Variants in GPAM observed in about 807,000 individuals in gnomAD.
The protein encoded by GPAM is glycerol-3-phosphate acyltransferase, mitochondrial, also known as glycerol-3-phosphate acyltransferase 1, mitochondrial.
GPAM carries 56 observed loss-of-function variants against 105.0 expected under a neutral mutation model. That is an observed-to-expected ratio of 0.53 (90% CI 0.43 to 0.67). The LOEUF (loss-of-function observed/expected upper bound fraction) is 0.67. GPAM is among the 30% of genes least tolerant of loss of function. The pLI is 0.00. For missense variants in GPAM, 855 were observed against 989.8 expected, an observed-to-expected ratio of 0.86 and a Z score of 1.83; for synonymous variants, 368 against 354.4, an observed-to-expected ratio of 1.04 and a Z score of -0.43.
chr10:112,176,750 G>T (rs141304956), intron 5 of GPAM, among the ~76,000 whole-genome samples: 1 of 152,334 alleles, frequency 6.6e-6, no homozygotes, highest in African/African-American at 2.4e-5. Context: ...CATTGTGTGT[G>T]TGTGCGCACA....
intron 13 of GPAM, 65 bp downstream of exon 13, chr10:112,164,460 T>C (rs1847177971): frequency 5.8e-6 from 5 of 860,288 alleles, no homozygotes; most frequent in Non-Finnish European, 4.0e-6. Flanking sequence ...GGTTAATCTA[T>C]GCAATACAAG....
At chr10:112,207,512 A>T (rs1462042297) in intron 1 of GPAM, among the ~76,000 whole-genome samples, 1 of 152,178 alleles carries the variant, frequency 6.6e-6, no homozygotes, top group East Asian at 1.9e-4. Context: ...TGCTCCCTAA[A>T]CTTCCTTTTC....
In GPAM at chr10:112,160,867, C is replaced by T; in HGVS notation, c.1496G>A (p.Gly499Glu). 1 of 1,613,072 alleles carries T rather than the reference C, an allele frequency of 6.2e-7. No individual in the cohort carries two copies. Among genetic ancestry groups the T allele is most frequent in the Non-Finnish European group, 8.5e-7 (1 of 1,179,374 alleles). The stretch of plus-strand genomic sequence containing the variant: ...TTCGACCAATGTGGAGAGATCAATT[C>T]CCTAAAGAAAGATGGAAACGGTATC... ...ACLLLYRHRQ[G>E]IDLSTLVEDF... The change falls in exon 16 of 22, where the codon GGA becomes GAA. Residue 499 changes from glycine to glutamate, a missense_variant and splice_region_variant. Gly to Glu is a moderately conservative substitution (Grantham distance 98). Coordinates refer to ENST00000348367, the MANE Select transcript of GPAM (RefSeq NM_001244949.2).
chr10:112,164,645 C>T (rs1248239181), intron 12 of GPAM, 35 bp from the exon 13 acceptor site: 1 of 1,040,298 alleles, frequency 9.6e-7, no homozygotes, highest in East Asian at 2.4e-5. Context: ...CATTTACCCT[C>T]ACTTTCGCAC....
At chr10:112,195,987 G>C (rs1847718904) in intron 1 of GPAM, among the ~76,000 whole-genome samples, 1 of 152,144 alleles carries the variant, frequency 6.6e-6, no homozygotes, top group Non-Finnish European at 1.5e-5. Flanking sequence ...TCAGAGTAGA[G>C]AAAACATGTG....
intron 14 of GPAM, among the ~76,000 whole-genome samples, chr10:112,162,217 G>A (rs4918721): frequency 0.12 from 18,111 of 152,166 alleles, 1,152 homozygotes; most frequent in South Asian, 0.2. Context: ...AAAAATCTGG[G>A]CTCAAATCCT....
At chr10:112,193,394 G>A (rs907393851) in intron 1 of GPAM, among the ~76,000 whole-genome samples, 2 of 152,190 alleles carry the variant, frequency 1.3e-5, no homozygotes, top group African/African-American at 4.8e-5. Context: ...TCTGCCAACT[G>A]GGGCTGACCC....
intron 9 of GPAM, among the ~76,000 whole-genome samples, chr10:112,170,313 C>A (rs1564678933): frequency 6.6e-6 from 1 of 152,124 alleles, no homozygotes; most frequent in Non-Finnish European, 1.5e-5. Context: ...AAAATAACAC[C>A]TGAGAAGTGG....
At chr10:112,221,473 G>A in the GPAM span, among the ~76,000 whole-genome samples, 1 of 152,150 alleles carries the variant, frequency 6.6e-6, no homozygotes, top group African/African-American at 2.4e-5. Flanking sequence ...CAGAAGCCCT[G>A]GGGACAGAAT....
At chr10:112,218,488 A>G (rs1245935598), upstream of GPAM, among the ~76,000 whole-genome samples, 2 of 152,198 alleles carry the variant, frequency 1.3e-5, no homozygotes, top group Non-Finnish European at 2.9e-5. Flanking sequence ...TATAAGAAAA[A>G]AAAATCAACC....
At chr10:112,194,117 C>T (rs1847695463) in intron 1 of GPAM, among the ~76,000 whole-genome samples, 1 of 152,166 alleles carries the variant, frequency 6.6e-6, no homozygotes. Context: ...CTGAGGGACC[C>T]AGGCTGAGGA....
upstream of GPAM, among the ~76,000 whole-genome samples, chr10:112,218,552 C>T (rs1356444435): frequency 2.6e-5 from 4 of 152,080 alleles, no homozygotes; most frequent in Admixed American, 2.6e-4. Flanking sequence ...GTTCTTGGTG[C>T]AAGAAAGAAT....
chr10:112,171,589 C>T (rs769272615), intron 9 of GPAM, among the ~76,000 whole-genome samples: 1 of 152,184 alleles, frequency 6.6e-6, no homozygotes. Flanking sequence ...CATATTCCCA[C>T]CTTACCCAAT....
intron 15 of GPAM, 65 bp from the exon 16 acceptor site, chr10:112,160,933 A>G (rs1847113130): frequency 2.1e-6 from 3 of 1,418,836 alleles, no homozygotes; most frequent in Non-Finnish European, 3.0e-6. Flanking sequence ...CTGAGAGGCC[A>G]ACATTCCAAG....
At chr10:112,209,815 C>T (rs1847891265) in intron 1 of GPAM, among the ~76,000 whole-genome samples, 1 of 152,228 alleles carries the variant, frequency 6.6e-6, no homozygotes, top group South Asian at 2.1e-4. Context: ...AAATGAATGT[C>T]ACTTTCTTTC....
the GPAM span, among the ~76,000 whole-genome samples, chr10:112,223,386 G>C: frequency 6.6e-6 from 1 of 152,116 alleles, no homozygotes; most frequent in African/African-American, 2.4e-5. Flanking sequence ...AAATTCTATC[G>C]ATCTCCTAGT....
Position 112,172,312 on chromosome 10 carries a change from A to G in GPAM, c.664T>C (p.Leu222=). The G allele has an allele frequency of 6.2e-7, 1 of 1,613,290 alleles. No individual in the cohort carries two copies. Among genetic ancestry groups the G allele is most frequent in the Non-Finnish European group, 8.5e-7 (1 of 1,179,308 alleles). ...TGAACTGGTAGAAACAGAAGCGGCA[A>G]ATTCGTCTAGCAAAGGGAAAAATGC... is the stretch of plus-strand genomic sequence containing the variant. ...EMVKAATETN[L]PLLFLPVHRS... The change falls in exon 9 of 22, where the codon TTG becomes CTG. Residue 222 remains leucine, a synonymous_variant. Transcript: ENST00000348367.
intron 8 of GPAM, 74 bp downstream of exon 8, chr10:112,172,896 C>T (rs1847337035): frequency 3.6e-6 from 3 of 838,280 alleles, no homozygotes; most frequent in African/African-American, 1.7e-5. Flanking sequence ...CACAAGAAAA[C>T]ATTTCCACAA....
At chr10:112,158,494 T>C (rs1449624425) in intron 17 of GPAM, 101 bp from the exon 18 acceptor site, 1 of 759,850 alleles carries the variant, frequency 1.3e-6, no homozygotes, top group African/African-American at 1.7e-5. Flanking sequence ...CCTTCCATTC[T>C]GTTACCTCCA....
Sources: gnomAD v4.1 joint callset for allele counts (sites outside exome capture counted in the v4.1 genomes callset) on GRCh38, gnomAD v4.1.1 for gene constraint, MANE v1.5 for transcripts, NCBI Gene and HGNC (gene_info 2026-07-23, HGNC 2026-07-21) for gene names.